ATF6: variants seen among roughly 807,000 people sequenced by gnomAD.
ATF6 encodes the protein cyclic AMP-dependent transcription factor ATF-6 alpha.
In ATF6, 53 loss-of-function variants were observed where a neutral mutation model predicts 83.6. The ratio of observed to expected loss-of-function variants is 0.63; its 90% CI spans 0.51 to 0.80. The LOEUF (loss-of-function observed/expected upper bound fraction) is 0.80, where lower values mean the gene tolerates loss of function less well. Among genes scored for constraint, ATF6 ranks in the 30% least tolerant of loss-of-function variants. The pLI, the probability that ATF6 is intolerant of heterozygous loss-of-function variation, is 0.00. For missense variants in ATF6, 744 were observed against 797.9 expected, an observed-to-expected ratio of 0.93 and a Z score of 0.81; for synonymous variants, 288 against 285.8, an observed-to-expected ratio of 1.01 and a Z score of -0.08.
At chr1:161,919,209 G>T (rs1281916181) in intron 15 of ATF6, among the ~76,000 whole-genome samples, 5 of 152,162 alleles carry the variant, frequency 3.3e-5, no homozygotes, top group Non-Finnish European at 7.4e-5. Flanking sequence ...GTCTTTCTTT[G>T]TCTGAGGAAG....
intron 14 of ATF6, among the ~76,000 whole-genome samples, chr1:161,899,858 A>G (rs887223209): frequency 6.6e-6 from 1 of 152,204 alleles, no homozygotes; most frequent in Non-Finnish European, 1.5e-5. Context: ...CCAGAGTTGA[A>G]GAAACGTCTC....
intron 12 of ATF6, among the ~76,000 whole-genome samples, chr1:161,856,173 C>T: frequency 6.6e-6 from 1 of 152,132 alleles, no homozygotes; most frequent in East Asian, 1.9e-4. Context: ...GGGTTTTTAA[C>T]CATTATGGAA....
chr1:161,859,738 A>G lies in ATF6; in HGVS notation c.1534-469A>G, dbSNP rs534841879. 3.9e-5 allele frequency among the ~76,000 whole-genome samples: 6 copies of G among 152,314 alleles called. No homozygotes were observed. In the South Asian group the frequency reaches 6.2e-4, roughly 16 times the overall value. ...ACTGTTCTCTTGCCAAGAGTCATCA[A>G]TAAGAACTCTTTAATGATGGCTTAG... On this transcript the variant is annotated intron_variant, in intron 12 of 15. Transcript: ENST00000367942.
chr1:161,883,049 T>C (rs191611804), intron 14 of ATF6, among the ~76,000 whole-genome samples: 1 of 152,144 alleles, frequency 6.6e-6, no homozygotes, highest in East Asian at 1.9e-4. Context: ...GAAAAATTCA[T>C]TTTAATGCTA....
At chr1:161,830,618 G>A (rs958805907) in intron 9 of ATF6, among the ~76,000 whole-genome samples, 14 of 152,306 alleles carry the variant, frequency 9.2e-5, no homozygotes, top group African/African-American at 3.4e-4. Flanking sequence ...CAATGGAACA[G>A]AACAGAGCCC....
chr1:161,851,925 G>A, intron 11 of ATF6, 90 bp downstream of exon 11: 2 of 862,688 alleles, frequency 2.3e-6, no homozygotes, highest in Middle Eastern at 2.3e-4. Context: ...AGTTCACTAA[G>A]TGACTGAGAG....
At chr1:161,806,567 G>A (rs1485823017) in intron 7 of ATF6, among the ~76,000 whole-genome samples, 2 of 152,170 alleles carry the variant, frequency 1.3e-5, no homozygotes, top group Non-Finnish European at 2.9e-5. Flanking sequence ...CAGATGTGAG[G>A]TTGATGAAGG....
In ATF6 at chr1:161,892,518, TC is replaced by T. The variant is rs1449250386; in HGVS notation, c.1720-19776del. On this transcript the variant is annotated intron_variant, in intron 14 of 15. Coordinates refer to ENST00000367942, the MANE Select transcript of ATF6 (RefSeq NM_007348.4). Reference sequence around the variant, plus strand: ...TCTGCTAAATCCATCAAGCTGTGTATCCTGTAATACTTTTTCCCCCAGTTGA... The same window carrying T: ...TCTGCTAAATCCATCAAGCTGTGTATCTGTAATACTTTTTCCCCCAGTTGA... Among the ~76,000 whole-genome samples, 24 of 152,292 alleles carry T rather than the reference TC, an allele frequency of 1.6e-4. 1 individual carries two copies. In the Middle Eastern group the frequency reaches 0.01, roughly 65 times the overall value.
chr1:161,848,191 A>G (rs1175651179), intron 10 of ATF6, among the ~76,000 whole-genome samples: 1 of 152,034 alleles, frequency 6.6e-6, no homozygotes, highest in Non-Finnish European at 1.5e-5. Context: ...TTTTTCAGCA[A>G]CTTGAGAGAT....
chr1:161,872,294 A>G (rs188996124), intron 14 of ATF6, among the ~76,000 whole-genome samples: 46 of 151,818 alleles, frequency 3.0e-4, no homozygotes, highest in African/African-American at 8.4e-4. Context: ...GTCTGGCTCT[A>G]TGTTCTTGAT....
chr1:161,943,380 T>C (rs937501476), intron 15 of ATF6, among the ~76,000 whole-genome samples: 1 of 152,184 alleles, frequency 6.6e-6, no homozygotes, highest in Non-Finnish European at 1.5e-5. Flanking sequence ...TGATTGTAAG[T>C]TTCCTGAGGC....
chr1:161,772,570 T>C (rs1320516478), intron 1 of ATF6, among the ~76,000 whole-genome samples: 2 of 152,180 alleles, frequency 1.3e-5, no homozygotes, highest in African/African-American at 4.8e-5. Flanking sequence ...TGCTCCTAGC[T>C]AGAGCCAGTC....
intron 15 of ATF6, among the ~76,000 whole-genome samples, chr1:161,918,641 G>C (rs1688147161): frequency 6.6e-6 from 1 of 152,172 alleles, no homozygotes; most frequent in African/African-American, 2.4e-5. Context: ...CCTAATATCA[G>C]AGTTGTTCAT....
intron 9 of ATF6, among the ~76,000 whole-genome samples, chr1:161,844,594 G>T (rs1210101292): frequency 6.6e-6 from 1 of 152,032 alleles, no homozygotes. Context: ...ACAATAGCGG[G>T]GTCAGTAGGG....
intron 14 of ATF6, among the ~76,000 whole-genome samples, chr1:161,875,568 C>G (rs1272200393): frequency 4.0e-5 from 6 of 151,760 alleles, no homozygotes. Context: ...TTCCAAAATT[C>G]TAGTTTTCAC....
At chr1:161,829,189 C>CTTTTTTTTTTTTTTTTTTT (rs35619050) in intron 9 of ATF6, among the ~76,000 whole-genome samples, 18 of 72,596 alleles carry the variant, frequency 2.5e-4, no homozygotes, top group Non-Finnish European at 3.0e-4. Flanking sequence ...TAATGGGAGA[C>CTTTTTTTTTTTTTTTTTTT]TTTTTTTTTT....
intron 3 of ATF6, among the ~76,000 whole-genome samples, chr1:161,782,792 A>G (rs1684666913): frequency 2.1e-5 from 1 of 47,826 alleles, no homozygotes. Flanking sequence ...TTCTGGTTTT[A>G]TCGTTTGACA....
intron 13 of ATF6, among the ~76,000 whole-genome samples, chr1:161,862,309 T>C (rs1686902548): frequency 6.6e-6 from 1 of 152,176 alleles, no homozygotes; most frequent in Non-Finnish European, 1.5e-5. Flanking sequence ...AGTCTTTTTC[T>C]CCTCTTAATA....
chr1:161,778,220 T>G (rs781107869), intron 1 of ATF6, 24 bp from the exon 2 acceptor site: 3 of 1,598,342 alleles, frequency 1.9e-6, no homozygotes, highest in Non-Finnish European at 2.6e-6. Context: ...ACAGTTCATT[T>G]CTATTCTTTT....
Sources: gnomAD v4.1 joint callset for allele counts (sites outside exome capture counted in the v4.1 genomes callset) on GRCh38, gnomAD v4.1.1 for gene constraint, MANE v1.5 for transcripts, NCBI Gene and HGNC (gene_info 2026-07-23, HGNC 2026-07-21) for gene names.